ATP2A2: variants seen among roughly 807,000 people sequenced by gnomAD.
The protein encoded by ATP2A2 is sarcoplasmic/endoplasmic reticulum calcium ATPase 2.
In ATP2A2, 14 loss-of-function variants were observed where a neutral mutation model predicts 109.3. The observed-to-expected ratio is 0.13, with a 90% confidence interval of 0.08 to 0.20. The LOEUF is 0.20. Among genes scored for constraint, ATP2A2 ranks in the 10% least tolerant of loss-of-function variants. The pLI, the probability that ATP2A2 is intolerant of heterozygous loss-of-function variation, is 1.00. For missense variants in ATP2A2, 657 were observed against 1,321.6 expected (o/e 0.50, Z 7.80); for synonymous variants, 506 against 490.9 (o/e 1.03, Z -0.41).
intron 5 of ATP2A2, among the ~76,000 whole-genome samples, chr12:110,302,584 C>CTAT (rs10568177): frequency 0.46 from 67,383 of 146,336 alleles, 16,011 homozygotes; most frequent in South Asian, 0.58. Context: ...ATTTTTATTA[C>CTAT]TATTATTATT....
In ATP2A2 at chr12:110,343,575, C is replaced by G. The variant is rs1034427582; in HGVS notation, c.2521+141C>G. Reference sequence around the variant, plus strand: ...AAGACAGAGATGCCCTCTTACAGTTCGATGAACTATACATCCAATTTACCA... The same window carrying G: ...AAGACAGAGATGCCCTCTTACAGTTGGATGAACTATACATCCAATTTACCA... On this transcript the variant is annotated intron_variant, in intron 16 of 19. Coordinates refer to ENST00000539276, the MANE Select transcript of ATP2A2 (RefSeq NM_170665.4). The G allele has an allele frequency of 2.9e-5, 28 of 969,342 alleles. No individual in the cohort carries two copies. In the African/African-American group the frequency reaches 4.1e-4, roughly 14 times the overall value. The allele number at this position is 969,342 out of a possible 1,614,324, so 60.0% of individuals were successfully genotyped here. A position where few individuals can be genotyped will look rare whatever the true frequency, so the allele number is the denominator to read the frequency against.
At chr12:110,302,814 G>C (rs1874825089) in intron 5 of ATP2A2, among the ~76,000 whole-genome samples, 1 of 152,094 alleles carries the variant, frequency 6.6e-6, no homozygotes, top group African/African-American at 2.4e-5. Context: ...GGCCAGGCTG[G>C]TCTCAAACTC....
chr12:110,347,708 T>C lies in ATP2A2; in HGVS notation c.*1238T>C, dbSNP rs1054460433. Reference sequence around the variant, plus strand: ...GATCAATGTTTGCGCATGTTCGAGATGAGTCTCACCAACAGTGTGTAAGTC... The same window carrying C: ...GATCAATGTTTGCGCATGTTCGAGACGAGTCTCACCAACAGTGTGTAAGTC... On this transcript the variant is annotated 3_prime_UTR_variant, in exon 20 of 20. Transcript: ENST00000539276. The C allele has an allele frequency of 6.0e-6, 7 of 1,167,200 alleles. No individual in the cohort carries two copies. The African/African-American group carries it at 1.1e-4, about 19-fold the overall frequency. 72.3% of individuals were successfully genotyped at this position (1,167,200 alleles called of 1,614,324 possible).
chr12:110,332,392 G>A, intron 8 of ATP2A2: 1 of 592,816 alleles, frequency 1.7e-6, no homozygotes, highest in African/African-American at 1.8e-5. Flanking sequence ...GGGGTGTGAT[G>A]GGCGAAGCAG....
chr12:110,326,448 C>T lies in ATP2A2; in HGVS notation c.603C>T (p.Asn201=), dbSNP rs923858558. ...TDPVPDPRAV[N]QDKKNMLFSG... is the part of the protein sequence containing the mutation. ...CCGTCCCTGACCCACGAGCTGTCAA[C>T]CAAGATAAAAAGAACATGCTGTTTT... Residue 201 remains asparagine, a synonymous_variant, in exon 7 of 20, where the codon AAC becomes AAT. Transcript: ENST00000539276. 1.7e-5 allele frequency: 27 copies of T among 1,613,676 alleles called. No homozygotes were observed. Among genetic ancestry groups the T allele is most frequent in the Non-Finnish European group, 2.2e-5 (26 of 1,179,758 alleles).
chr12:110,305,045 C>T (rs778767030), intron 5 of ATP2A2, among the ~76,000 whole-genome samples: 3 of 151,928 alleles, frequency 2.0e-5, no homozygotes, highest in African/African-American at 7.3e-5. Flanking sequence ...GCGATTCTCC[C>T]GCCTCAGTCT....
intron 5 of ATP2A2, among the ~76,000 whole-genome samples, chr12:110,309,614 G>A (rs4630352): frequency 0.41 from 62,775 of 151,854 alleles, 14,446 homozygotes; most frequent in African/African-American, 0.61. Flanking sequence ...AAAATAACCC[G>A]CACATAGGCT....
intron 5 of ATP2A2, among the ~76,000 whole-genome samples, chr12:110,299,002 A>G (rs747385661): frequency 1.1e-4 from 17 of 152,248 alleles, no homozygotes; most frequent in Non-Finnish European, 2.2e-4. Flanking sequence ...CAGGGTCTCA[A>G]TCTGTCACCC....
chr12:110,325,948 A>G (rs1412436325), intron 6 of ATP2A2: 2 of 192,926 alleles, frequency 1.0e-5, no homozygotes, highest in Non-Finnish European at 2.2e-5. Context: ...TGATGGTGCC[A>G]TTGCACCAGC....
In ATP2A2 at chr12:110,344,930, A is replaced by G. The variant is rs920327876; in HGVS notation, c.2566A>G (p.Ile856Val). The change falls in exon 17 of 20, where the codon ATT becomes GTT. Residue 856 changes from isoleucine (I) to valine (V), a missense_variant. By Grantham distance (29) the Ile-to-Val change is conservative (BLOSUM62 3). Coordinates refer to ENST00000539276, the MANE Select transcript of ATP2A2 (RefSeq NM_170665.4). ...CGTGGGTGCTGCTGCATGGTGGTTC[A>G]TTGCTGCTGACGGTGGTCCAAGAGT... ...ATVGAAAWWF[I>V]AADGGPRVSF... 1.2e-6 allele frequency: 2 copies of G among 1,613,952 alleles called. No homozygotes were observed. Among genetic ancestry groups the G allele is most frequent in the Non-Finnish European group, 1.7e-6 (2 of 1,180,014 alleles).
rs1455353592 is a variant in ATP2A2, at chr12:110,349,795, G to A, written c.*3325G>A. On this transcript the variant is annotated 3_prime_UTR_variant, in exon 20 of 20. Transcript: ENST00000539276. ...AAACACCCGCTGCAGTTAGCAAGAA[G>A]GGTAGGCTTCACCCTCCTTTACTGA... 6.9e-6 allele frequency: 7 copies of A among 1,021,618 alleles called. No individual in the cohort carries two copies. The highest frequency in any genetic ancestry group is 8.2e-6 in the Non-Finnish European group (7 of 850,960). 63.3% of individuals were successfully genotyped at this position (1,021,618 alleles called of 1,614,324 possible).
intron 5 of ATP2A2, among the ~76,000 whole-genome samples, chr12:110,310,849 A>G (rs1053702317): frequency 1.3e-5 from 2 of 152,284 alleles, no homozygotes; most frequent in African/African-American, 4.8e-5. Context: ...TACTTCAGAC[A>G]GTTAACATGC....
chr12:110,293,868 A>ATT (rs1401455775), intron 4 of ATP2A2, among the ~76,000 whole-genome samples: 4 of 83,128 alleles, frequency 4.8e-5, no homozygotes, highest in African/African-American at 1.4e-4. Flanking sequence ...GTGTGTGTAT[A>ATT]TATTTTTTTT....
chr12:110,324,789 A>G (rs919866130), intron 6 of ATP2A2, among the ~76,000 whole-genome samples: 7 of 151,602 alleles, frequency 4.6e-5, no homozygotes, highest in African/African-American at 1.5e-4. Context: ...CTTGTGGCCA[A>G]GAGTTTGAGA....
intron 6 of ATP2A2, among the ~76,000 whole-genome samples, chr12:110,324,852 A>G (rs1306821373): frequency 6.7e-6 from 1 of 149,904 alleles, no homozygotes; most frequent in Non-Finnish European, 1.5e-5. Context: ...TTTTAAAGAC[A>G]GAGTTGCACT....
At position 110,341,773 on chromosome 12, in the gene ATP2A2, T is replaced by G. The variant is rs1200252548; in HGVS notation, c.2098-455T>G. 8.5e-5 allele frequency among the ~76,000 whole-genome samples: 13 copies of G among 152,220 alleles called. 1 individual carries two copies. The highest frequency in any genetic ancestry group is 8.5e-4 in the Admixed American group (13 of 15,278). The stretch of plus-strand genomic sequence containing the variant: ...CTGTAATCCCAGCTACTCGGGAGAT[T>G]GAGGCAGGAGAATCGCTTGAACCCA... On this transcript the variant is annotated intron_variant, in intron 14 of 19. Coordinates refer to ENST00000539276, the MANE Select transcript of ATP2A2 (RefSeq NM_170665.4).
intron 5 of ATP2A2, among the ~76,000 whole-genome samples, chr12:110,317,625 G>A (rs1041999270): frequency 4.6e-5 from 7 of 152,124 alleles, no homozygotes; most frequent in African/African-American, 1.7e-4. Context: ...TGCTTCGTCC[G>A]CCTTGGCCTC....
At position 110,350,005 on chromosome 12, in the gene ATP2A2, A is replaced by T; in HGVS notation, c.*3535A>T. 7.4e-7 allele frequency: 1 copy of T among 1,348,410 alleles called. No homozygotes were observed. The highest frequency in any genetic ancestry group is 1.5e-5 in the African/African-American group (1 of 67,954). 83.5% of individuals were successfully genotyped at this position (1,348,410 alleles called of 1,614,324 possible). A position where few individuals can be genotyped will look rare whatever the true frequency, so the allele number is the denominator to read the frequency against. On this transcript the variant is annotated 3_prime_UTR_variant, in exon 20 of 20. Coordinates refer to ENST00000539276, the MANE Select transcript of ATP2A2 (RefSeq NM_170665.4). ...CTCTTGCCTGTCTCGCTGCTTTCAC[A>T]GCTGCAACGATTGTGTCTGCCTCAT...
intron 5 of ATP2A2, among the ~76,000 whole-genome samples, chr12:110,319,309 C>T (rs1362807295): frequency 6.7e-6 from 1 of 149,258 alleles, no homozygotes; most frequent in East Asian, 2.0e-4. Flanking sequence ...TGTAAAAGAT[C>T]TCCAGATAAC....
Sources: allele counts gnomAD v4.1 joint callset (sites outside exome capture counted in the v4.1 genomes callset), GRCh38; gene constraint gnomAD v4.1.1; transcripts MANE v1.5; gene names NCBI Gene and HGNC (gene_info 2026-07-23, HGNC 2026-07-21).